FKBP5: variants seen among roughly 807,000 people sequenced by gnomAD.
FKBP5 encodes FKBP prolyl isomerase 5, also known as peptidyl-prolyl cis-trans isomerase FKBP5.
Under a neutral mutation model 50.5 loss-of-function variants are expected in FKBP5, and 23 were observed. That is an observed-to-expected ratio of 0.46 (90% confidence interval 0.33 to 0.65). The LOEUF is 0.65. FKBP5 is among the 30% of genes least tolerant of loss of function. The pLI is 0.02. For missense variants in FKBP5, 411 were observed against 553.1 expected, an observed-to-expected ratio of 0.74 and a Z score of 2.58; for synonymous variants, 176 against 190.6, an observed-to-expected ratio of 0.92 and a Z score of 0.63.
intron 2 of FKBP5, among the ~76,000 whole-genome samples, chr6:35,640,352 AT>A (rs1330727146): frequency 2.0e-5 from 3 of 152,204 alleles, no homozygotes; most frequent in African/African-American, 4.8e-5. Flanking sequence ...ATCTAAGCAT[AT>A]CTCAACATAG....
intron 3 of FKBP5, among the ~76,000 whole-genome samples, chr6:35,630,329 A>G (rs949720423): frequency 6.6e-6 from 1 of 152,094 alleles, no homozygotes; most frequent in Non-Finnish European, 1.5e-5. Flanking sequence ...CAGGCGGATC[A>G]CGAGGTCTGG....
intron 1 of FKBP5, among the ~76,000 whole-genome samples, chr6:35,670,198 C>T (rs1031929478): frequency 6.6e-6 from 1 of 152,100 alleles, no homozygotes; most frequent in African/African-American, 2.4e-5. Context: ...TAAAAGGTAT[C>T]TTTGCTGTTT....
chr6:35,722,176 G>GT (rs143069949), intron 1 of FKBP5, among the ~76,000 whole-genome samples: 8,790 of 147,068 alleles, frequency 0.06, 800 homozygotes, highest in African/African-American at 0.2. Flanking sequence ...TATTTGTTCT[G>GT]TTTTTTTTTT....
chr6:35,599,402 A>G (rs1289425002), intron 5 of FKBP5, among the ~76,000 whole-genome samples: 1 of 152,228 alleles, frequency 6.6e-6, no homozygotes, highest in Non-Finnish European at 1.5e-5. Context: ...AAACTGAAGA[A>G]TGAACAGAAA....
At chr6:35,615,560 G>A (rs759030669) in intron 5 of FKBP5, among the ~76,000 whole-genome samples, 1 of 152,030 alleles carries the variant, frequency 6.6e-6, no homozygotes, top group Non-Finnish European at 1.5e-5. Context: ...GAATAGTAAT[G>A]AATAATAACT....
At chr6:35,719,540 G>A (rs1427309187) in intron 2 of FKBP5, among the ~76,000 whole-genome samples, 1 of 152,226 alleles carries the variant, frequency 6.6e-6, no homozygotes, top group Non-Finnish European at 1.5e-5. Context: ...ACACGGAACG[G>A]ACATGCTCAG....
At chr6:35,703,588 C>T (rs949082106) in intron 2 of FKBP5, among the ~76,000 whole-genome samples, 1 of 152,076 alleles carries the variant, frequency 6.6e-6, no homozygotes, top group Non-Finnish European at 1.5e-5. Flanking sequence ...AGATATTTGT[C>T]TAGCATATGT....
At chr6:35,613,143 T>C (rs1170232384) in intron 5 of FKBP5, among the ~76,000 whole-genome samples, 1 of 152,210 alleles carries the variant, frequency 6.6e-6, no homozygotes, top group African/African-American at 2.4e-5. Context: ...TAACAACATA[T>C]TGTAATGGGT....
chr6:35,585,117 T>C (rs1376770904), intron 8 of FKBP5: 5 of 983,676 alleles, frequency 5.1e-6, no homozygotes, highest in South Asian at 9.4e-5. Context: ...ACTGAATCGA[T>C]ATAATTCTAG....
At chr6:35,668,881 G>T (rs188297619) in intron 1 of FKBP5, among the ~76,000 whole-genome samples, 1 of 152,044 alleles carries the variant, frequency 6.6e-6, no homozygotes, top group African/African-American at 2.4e-5. Flanking sequence ...TATAGAAACA[G>T]TAAGAAAATG....
chr6:35,647,553 A>G (rs1764663665), intron 1 of FKBP5, among the ~76,000 whole-genome samples: 1 of 152,226 alleles, frequency 6.6e-6, no homozygotes, highest in African/African-American at 2.4e-5. Flanking sequence ...TTGCCTCCCA[A>G]ACACCAACTG....
At chr6:35,717,248 C>T (rs941174069) in intron 2 of FKBP5, among the ~76,000 whole-genome samples, 1 of 152,366 alleles carries the variant, frequency 6.6e-6, no homozygotes, top group Admixed American at 6.5e-5. Context: ...ATTTCCCCTA[C>T]AGTGTCCTCA....
chr6:35,684,302 C>T (rs1192028859), intron 1 of FKBP5, among the ~76,000 whole-genome samples: 2 of 151,880 alleles, frequency 1.3e-5, no homozygotes, highest in Admixed American at 6.6e-5. Flanking sequence ...CCTCAGCCTC[C>T]CAAGTAGCTG....
intron 1 of FKBP5, among the ~76,000 whole-genome samples, chr6:35,674,305 T>C (rs1184824269): frequency 6.6e-6 from 1 of 152,242 alleles, no homozygotes; most frequent in Non-Finnish European, 1.5e-5. Context: ...TCAGTTATTT[T>C]GAAATCAAGG....
Position 35,575,920 on chromosome 6 carries a change from C to A in FKBP5, c.1289G>T (p.Gly430Val). The A allele has an allele frequency of 1.2e-6, 2 of 1,612,916 alleles. No homozygotes were observed. Among genetic ancestry groups the A allele is most frequent in the Non-Finnish European group, 1.7e-6 (2 of 1,178,954 alleles). Reference sequence around the variant, plus strand: ...AGTGACCCCTTCTGAAGTCTTCTTGCCCATTGCTTTATTGGCCTCTTCCTA... The same window carrying A: ...AGTGACCCCTTCTGAAGTCTTCTTGACCATTGCTTTATTGGCCTCTTCCTA... ...DAKEEANKAM[G>V]KKTSEGVTNE... Residue 430 changes from glycine (G) to valine (V), a missense_variant, in exon 11 of 11, where the codon GGC (glycine) becomes GTC (valine). Physicochemically the swap from Gly to Val is moderately radical, Grantham distance 109 (BLOSUM62 -3). Transcript: ENST00000357266.
chr6:35,610,830 G>A (rs527297180), intron 5 of FKBP5, among the ~76,000 whole-genome samples: 358 of 152,156 alleles, frequency 2.4e-3, no homozygotes, highest in African/African-American at 7.8e-3. Context: ...AAATACTTGT[G>A]CCTGGAGTTC....
intron 6 of FKBP5, among the ~76,000 whole-genome samples, chr6:35,592,720 G>C (rs1270554609): frequency 1.3e-5 from 2 of 152,194 alleles, no homozygotes; most frequent in East Asian, 3.9e-4. Flanking sequence ...ATCTCAACCA[G>C]GTTGATTTTA....
intron 1 of FKBP5, among the ~76,000 whole-genome samples, chr6:35,666,561 T>G (rs1440195479): frequency 6.6e-6 from 1 of 152,054 alleles, no homozygotes; most frequent in Non-Finnish European, 1.5e-5. Context: ...AAGCTATTTA[T>G]AGAACAGAAT....
At chr6:35,700,591 G>C (rs1447518062) in intron 2 of FKBP5, among the ~76,000 whole-genome samples, 1 of 152,168 alleles carries the variant, frequency 6.6e-6, no homozygotes, top group Non-Finnish European at 1.5e-5. Flanking sequence ...GGCTCCTTCA[G>C]ATTGGCAAAT....
Sources: gnomAD v4.1 joint callset for allele counts (sites outside exome capture counted in the v4.1 genomes callset) on GRCh38, gnomAD v4.1.1 for gene constraint, MANE v1.5 for transcripts, NCBI Gene and HGNC (gene_info 2026-07-23, HGNC 2026-07-21) for gene names.